STK3: variants seen among roughly 807,000 people sequenced by gnomAD.
STK3 encodes serine/threonine kinase 3.
A neutral mutation model predicts 58.0 loss-of-function variants in STK3; 41 were observed. That is an observed-to-expected ratio of 0.71 (90% CI 0.55 to 0.92). The LOEUF (loss-of-function observed/expected upper bound fraction) is 0.92. STK3 is among the 40% of genes least tolerant of loss of function. The probability of loss-of-function intolerance (pLI) is 0.00; values close to 1 mark genes in which losing one functional copy is unlikely to be tolerated. For missense variants in STK3, 479 were observed against 602.7 expected (o/e 0.79, Z 2.15); for synonymous variants, 170 against 191.0 (o/e 0.89, Z 0.91).
At chr8:98,614,610 C>A (rs937252971) in intron 6 of STK3, among the ~76,000 whole-genome samples, 3 of 149,580 alleles carry the variant, frequency 2.0e-5, no homozygotes, top group African/African-American at 5.1e-5. Context: ...GCGCACCGTG[C>A]GCGAGCCGAA....
chr8:98,705,324 G>A (rs184912788), intron 6 of STK3, among the ~76,000 whole-genome samples: 1 of 151,540 alleles, frequency 6.6e-6, no homozygotes, highest in African/African-American at 2.4e-5. Context: ...GAGGTGGGAG[G>A]ATCACCTGAG....
intron 3 of STK3, among the ~76,000 whole-genome samples, chr8:98,857,108 C>T (rs1446492648): frequency 2.6e-5 from 4 of 152,102 alleles, no homozygotes; most frequent in South Asian, 2.1e-4. Flanking sequence ...GGTTTCTTCT[C>T]GAGATGATGA....
intron 1 of STK3, among the ~76,000 whole-genome samples, chr8:98,938,449 T>G (rs1185787487): frequency 1.3e-5 from 2 of 152,220 alleles, no homozygotes; most frequent in African/African-American, 2.4e-5. Flanking sequence ...GACTATTTTA[T>G]ACTCCCTCAA....
intron 1 of STK3, among the ~76,000 whole-genome samples, chr8:98,807,489 C>T (rs1160502801): frequency 6.6e-6 from 1 of 152,094 alleles, no homozygotes; most frequent in South Asian, 2.1e-4. Context: ...AACTCCTGGC[C>T]TCAAGAGATC....
At chr8:98,565,852 T>C (rs540884945) in intron 8 of STK3, among the ~76,000 whole-genome samples, 1 of 152,272 alleles carries the variant, frequency 6.6e-6, no homozygotes, top group Admixed American at 6.5e-5. Flanking sequence ...TTTGGGAATA[T>C]CTTCCACTAA....
chr8:98,564,516 T>C (rs1812316414), intron 8 of STK3, among the ~76,000 whole-genome samples: 1 of 152,046 alleles, frequency 6.6e-6, no homozygotes, highest in Non-Finnish European at 1.5e-5. Flanking sequence ...GATTGGTCAA[T>C]AAATACAAAA....
intron 7 of STK3, chr8:98,595,016 A>G (rs1815680492): frequency 6.6e-6 from 1 of 152,176 alleles, no homozygotes. Flanking sequence ...GACATTTAGG[A>G]TCTTTCCAAT....
chr8:98,363,421 G>C, the STK3 span, among the ~76,000 whole-genome samples: 1 of 152,158 alleles, frequency 6.6e-6, no homozygotes, highest in African/African-American at 2.4e-5. Context: ...GGACAAGGAA[G>C]AAGGGGCCCG....
At chr8:98,712,623 G>A (rs1826581135) in intron 4 of STK3, among the ~76,000 whole-genome samples, 1 of 151,968 alleles carries the variant, frequency 6.6e-6, no homozygotes, top group Admixed American at 6.6e-5. Flanking sequence ...GGAGCACCCA[G>A]ATTCATAAAG....
At chr8:98,347,562 A>G in the STK3 span, among the ~76,000 whole-genome samples, 1 of 152,182 alleles carries the variant, frequency 6.6e-6, no homozygotes, top group Non-Finnish European at 1.5e-5. Flanking sequence ...ATTAATCCAA[A>G]AAAGGCAGAA....
intron 10 of STK3, among the ~76,000 whole-genome samples, chr8:98,522,962 G>A (rs1286792531): frequency 1.3e-5 from 2 of 152,126 alleles, no homozygotes; most frequent in Non-Finnish European, 2.9e-5. Flanking sequence ...CACTTGGGTT[G>A]CTTCTACCTT....
intron 10 of STK3, among the ~76,000 whole-genome samples, chr8:98,517,209 C>T (rs1437926490): frequency 6.6e-6 from 1 of 151,992 alleles, no homozygotes; most frequent in Admixed American, 6.6e-5. Flanking sequence ...GTCTGTCTAT[C>T]GTTCTGGAAA....
intron 6 of STK3, among the ~76,000 whole-genome samples, chr8:98,646,838 A>G (rs1021863623): frequency 6.6e-6 from 1 of 152,082 alleles, no homozygotes; most frequent in African/African-American, 2.4e-5. Flanking sequence ...ACTGTTACCA[A>G]CCTAACACAT....
chr8:98,620,925 ATTTTTTT>A (rs534225654), intron 6 of STK3, among the ~76,000 whole-genome samples: 2 of 130,254 alleles, frequency 1.5e-5, no homozygotes, highest in Admixed American at 7.8e-5. Context: ...AAAACAACTG[ATTTTTTT>A]TTTTTTTTTT....
intron 1 of STK3, among the ~76,000 whole-genome samples, chr8:98,925,467 C>A (rs1839753374): frequency 6.6e-6 from 1 of 152,204 alleles, no homozygotes; most frequent in Admixed American, 6.5e-5. Context: ...GTTTTCTGTA[C>A]TGTATGCCTC....
chr8:98,433,432 A>C (rs1169767328), intron 3 of STK3, among the ~76,000 whole-genome samples: 2 of 152,146 alleles, frequency 1.3e-5, no homozygotes, highest in African/African-American at 4.8e-5. Context: ...ATTACTTAAA[A>C]TAGACTGAGT....
At chr8:98,585,890 C>G (rs1814516665) in intron 7 of STK3, among the ~76,000 whole-genome samples, 2 of 151,342 alleles carry the variant, frequency 1.3e-5, no homozygotes, top group African/African-American at 2.4e-5. Flanking sequence ...TGATTTGGCT[C>G]TCTGTTTGTC....
At chr8:98,659,410 C>G (rs1821799013) in intron 6 of STK3, among the ~76,000 whole-genome samples, 1 of 151,888 alleles carries the variant, frequency 6.6e-6, no homozygotes, top group Non-Finnish European at 1.5e-5. Flanking sequence ...TCATGAGACT[C>G]AGAAACCAGT....
At chr8:98,700,061 G>A (rs1236664789) in intron 6 of STK3, among the ~76,000 whole-genome samples, 1 of 152,204 alleles carries the variant, frequency 6.6e-6, no homozygotes, top group East Asian at 1.9e-4. Flanking sequence ...AAGCAAGCTT[G>A]GGTAATGGCG....
Sources: allele counts gnomAD v4.1 joint callset (sites outside exome capture counted in the v4.1 genomes callset), GRCh38; gene constraint gnomAD v4.1.1; transcripts MANE v1.5; gene names NCBI Gene and HGNC (gene_info 2026-07-23, HGNC 2026-07-21).